RAB15: variants seen among roughly 807,000 people sequenced by gnomAD.
The protein encoded by RAB15 is RAB15, member RAS oncogene family.
A neutral mutation model predicts 31.8 loss-of-function variants in RAB15; 13 were observed. The ratio of observed to expected loss-of-function variants is 0.41; its 90% confidence interval spans 0.27 to 0.65. The LOEUF (loss-of-function observed/expected upper bound fraction) is 0.65, where lower values mean the gene tolerates loss of function less well. Among genes scored for constraint, RAB15 ranks in the 30% least tolerant of loss-of-function variants. The probability of loss-of-function intolerance (pLI) is 0.32; values close to 1 mark genes in which losing one functional copy is unlikely to be tolerated. For missense variants in RAB15, 220 were observed against 277.3 expected (o/e 0.79, Z 1.47); for synonymous variants, 100 against 105.6 (o/e 0.95, Z 0.33).
rs1246224301 is a variant in RAB15, at chr14:64,955,534, G to A, written c.125-2963C>T. 6.6e-6 allele frequency among the ~76,000 whole-genome samples: 1 copy of A among 152,188 alleles called. No individual in the cohort carries two copies. The highest frequency in any genetic ancestry group is 2.4e-5 in the African/African-American group (1 of 41,452). On this transcript the variant is annotated intron_variant, in intron 1 of 6. Transcript: ENST00000533601. This position sits in a 1 kb window ranked among gnomAD's most constrained non-coding sequence, Gnocchi z 4.4. ...CTTGGCCAGCCCTCGCAGCTGCTTAGCAAACTGTTTATTCACATGTGTGTT... is the reference window on the plus strand; with the variant it reads ...CTTGGCCAGCCCTCGCAGCTGCTTAACAAACTGTTTATTCACATGTGTGTT...
At position 64,951,013 on chromosome 14, in the gene RAB15, G is replaced by A. The variant is rs780127984; in HGVS notation, c.324+61C>T. ...GCATTTGCCTTCCCATCTGGCCCTC[G>A]CCTTGCCTTCCCCGGTGAGGCACCC... On this transcript the variant is annotated intron_variant, in intron 4 of 6. Coordinates refer to ENST00000533601, the MANE Select transcript of RAB15 (RefSeq NM_001308154.2). The surrounding 1 kb of genome is among the most constrained non-coding windows in gnomAD (Gnocchi z 7.2). 2.4e-5 allele frequency: 38 copies of A among 1,613,732 alleles called. No individual in the cohort carries two copies. The highest frequency in any genetic ancestry group is 4.0e-5 in the African/African-American group (3 of 74,906).
intron 1 of RAB15, among the ~76,000 whole-genome samples, chr14:64,964,546 GAAAGA>G (rs931643487): frequency 1.3e-5 from 2 of 149,586 alleles, no homozygotes; most frequent in African/African-American, 4.9e-5. Flanking sequence ...AAAGAAAAAA[GAAAGA>G]AAAGAAAACA....
intron 1 of RAB15, among the ~76,000 whole-genome samples, chr14:64,956,647 G>T (rs570702900): frequency 6.6e-6 from 1 of 152,162 alleles, no homozygotes; most frequent in Non-Finnish European, 1.5e-5. Context: ...GTTTCTCAAG[G>T]TGTGCTTTGC....
At chr14:64,965,698 A>G (rs1414303671) in intron 1 of RAB15, among the ~76,000 whole-genome samples, 3 of 152,126 alleles carry the variant, frequency 2.0e-5, no homozygotes, top group Non-Finnish European at 4.4e-5. Flanking sequence ...GTAGAAGGAT[A>G]ATGGCCAAAT....
Position 64,972,017 on chromosome 14 carries a change from G to A in RAB15, c.60C>T (p.Gly20=). The change falls in exon 1 of 7, where the codon GGC becomes GGT. Residue 20 remains glycine (G), a synonymous_variant. Transcript: ENST00000533601. The surrounding 1 kb of genome is among the most constrained non-coding windows in gnomAD (Gnocchi z 6.3). ...RLLLIGDSGV[G]KTCLLCRFTD... ...TGAAGCGGCACAGCAGGCAGGTCTT[G>A]CCCACCCCGGAGTCCCCGATCAGCA... The A allele has an allele frequency of 4.3e-6, 7 of 1,609,364 alleles. No individual in the cohort carries two copies. Among genetic ancestry groups the A allele is most frequent in the Non-Finnish European group, 5.9e-6 (7 of 1,178,066 alleles).
In RAB15 at chr14:64,953,591, G is replaced by T. The variant is rs896086990; in HGVS notation, c.125-1020C>A. Among the ~76,000 whole-genome samples, 1 of 152,186 alleles carries T rather than the reference G, an allele frequency of 6.6e-6. No individual in the cohort carries two copies. Among genetic ancestry groups the T allele is most frequent in the Admixed American group, 6.5e-5 (1 of 15,284 alleles). ...GAAACCGAAGGGATTTGGCAAATGC[G>T]TGCAGGGCAGAAACATATTGGAGAA... On this transcript the variant is annotated intron_variant, in intron 1 of 6. Coordinates refer to ENST00000533601, the MANE Select transcript of RAB15 (RefSeq NM_001308154.2). This position sits in a 1 kb window ranked among gnomAD's most constrained non-coding sequence, Gnocchi z 4.6.
Position 64,952,183 on chromosome 14 carries a change from G to T in RAB15, c.185+328C>A, listed in dbSNP as rs966002607. Among the ~76,000 whole-genome samples, 21 of 152,150 alleles carry T rather than the reference G, an allele frequency of 1.4e-4. No individual in the cohort carries two copies. Among genetic ancestry groups the T allele is most frequent in the African/African-American group, 5.1e-4 (21 of 41,428 alleles). On this transcript the variant is annotated intron_variant, in intron 2 of 6. Transcript: ENST00000533601. This position sits in a 1 kb window ranked among gnomAD's most constrained non-coding sequence, Gnocchi z 4.2. ...CAGGGTCTCGCCCTAAATGATGGGG[G>T]GTGTAGCCTCCTTCCTTCCAATCTT...
chr14:64,956,544 A>G (rs11623886), intron 1 of RAB15, among the ~76,000 whole-genome samples: 57,529 of 152,072 alleles, frequency 0.38, 11,429 homozygotes, highest in East Asian at 0.7. Flanking sequence ...AAGCTCTCAC[A>G]GTGATTCTCA....
chr14:64,972,104 C>A lies in RAB15; in HGVS notation c.-28G>T. On this transcript the variant is annotated 5_prime_UTR_variant, in exon 1 of 7. Transcript: ENST00000533601. This position sits in a 1 kb window ranked among gnomAD's most constrained non-coding sequence, Gnocchi z 6.3. ...CTGGGGCCAGCGGGGCCGGGAACTG[C>A]GGGCGGGCAGCGGGCTCAGCCCTGC... The A allele has an allele frequency of 6.4e-7, 1 of 1,568,034 alleles. No homozygotes were observed. The highest frequency in any genetic ancestry group is 8.6e-7 in the Non-Finnish European group (1 of 1,160,942).
chr14:64,970,419 C>T lies in RAB15; in HGVS notation c.124+1534G>A, dbSNP rs1887358454. On this transcript the variant is annotated intron_variant, in intron 1 of 6. Transcript: ENST00000533601. The surrounding 1 kb of genome is among the most constrained non-coding windows in gnomAD (Gnocchi z 4.1). Reference sequence around the variant, plus strand: ...CTCCCCTTCTTTCTGCAATGTCTCTCATCCAAACCATGGCTCAGCCCAAGC... The same window carrying T: ...CTCCCCTTCTTTCTGCAATGTCTCTTATCCAAACCATGGCTCAGCCCAAGC... Among the ~76,000 whole-genome samples, 1 of 152,332 alleles carries T rather than the reference C, an allele frequency of 6.6e-6. No individual in the cohort carries two copies. The highest frequency in any genetic ancestry group is 2.4e-5 in the African/African-American group (1 of 41,570).
In RAB15 at chr14:64,951,609, C is replaced by A; in HGVS notation, c.240G>T (p.Arg80=). ...CCCCAATGTGGTGGCTTACCTGGGC[C>A]CGCCGATAGTACTGCTTTGTGATGG... ...YQTITKQYYR[R]AQGIFLVYDI... Residue 80 remains arginine (R), a synonymous_variant, in exon 3 of 7, where the codon CGG becomes CGT. Coordinates refer to ENST00000533601, the MANE Select transcript of RAB15 (RefSeq NM_001308154.2). The surrounding 1 kb of genome is among the most constrained non-coding windows in gnomAD (Gnocchi z 7.2). 2 of 1,614,204 alleles carry A rather than the reference C, an allele frequency of 1.2e-6. No individual in the cohort carries two copies. Among genetic ancestry groups the A allele is most frequent in the Non-Finnish European group, 1.7e-6 (2 of 1,180,004 alleles).
At chr14:64,964,290 G>A (rs564504959) in intron 1 of RAB15, among the ~76,000 whole-genome samples, 3 of 152,124 alleles carry the variant, frequency 2.0e-5, no homozygotes, top group South Asian at 2.1e-4. Flanking sequence ...TTGGGAGGCC[G>A]AGGTGGGCGG....
At chr14:64,957,043 C>T (rs1036495782) in intron 1 of RAB15, among the ~76,000 whole-genome samples, 25 of 151,892 alleles carry the variant, frequency 1.6e-4, no homozygotes, top group Admixed American at 7.9e-4. Flanking sequence ...AAGCAATCCT[C>T]CCAGCTCAGC....
intron 1 of RAB15, among the ~76,000 whole-genome samples, chr14:64,969,679 G>A (rs1325507038): frequency 6.6e-6 from 1 of 152,278 alleles, no homozygotes; most frequent in East Asian, 1.9e-4. Flanking sequence ...TAGGTTTTAG[G>A]CCAATATACC....
intron 1 of RAB15, among the ~76,000 whole-genome samples, chr14:64,963,025 G>A (rs1210988563): frequency 6.6e-6 from 1 of 151,566 alleles, no homozygotes; most frequent in Non-Finnish European, 1.5e-5. Context: ...AATGGCATGC[G>A]TAAAGCCCAC....
rs1232303487 is a variant in RAB15, at chr14:64,950,790, A to G, written c.324+284T>C. The G allele has an allele frequency of 1.6e-6, 1 of 633,702 alleles. No homozygotes were observed. The highest frequency in any genetic ancestry group is 1.8e-5 in the African/African-American group (1 of 54,398). 39.3% of individuals were successfully genotyped at this position (633,702 alleles called of 1,614,324 possible). A position where few individuals can be genotyped will look rare whatever the true frequency, so the allele number is the denominator to read the frequency against. ...GCCAGGACTAGATCCCAATCTTGCA[A>G]CTCCACCTGGTCCCAAGATTTCAGG... On this transcript the variant is annotated intron_variant, in intron 4 of 6. Transcript: ENST00000533601. This position sits in a 1 kb window ranked among gnomAD's most constrained non-coding sequence, Gnocchi z 5.6.
intron 1 of RAB15, among the ~76,000 whole-genome samples, chr14:64,967,538 G>A (rs1887199177): frequency 6.6e-6 from 1 of 151,512 alleles, no homozygotes; most frequent in South Asian, 2.1e-4. Flanking sequence ...AGCCGTGATT[G>A]TGCCACCACC....
At position 64,971,397 on chromosome 14, in the gene RAB15, G is replaced by A. The variant is rs1887409495; in HGVS notation, c.124+556C>T. ...GGCGCAGGGGCTCCTCACCCTATCT[G>A]TGTCCTCCCCCAGGTGTCCCACCTT... On this transcript the variant is annotated intron_variant, in intron 1 of 6. Coordinates refer to ENST00000533601, the MANE Select transcript of RAB15 (RefSeq NM_001308154.2). The surrounding 1 kb of genome is among the most constrained non-coding windows in gnomAD (Gnocchi z 4.1). Among the ~76,000 whole-genome samples the A allele has an allele frequency of 6.6e-6, 1 of 152,094 alleles. No homozygotes were observed. Among genetic ancestry groups the A allele is most frequent in the African/African-American group, 2.4e-5 (1 of 41,410 alleles).
rs1045377008 is a variant in RAB15, at chr14:64,952,996, CCT to C, written c.125-427_125-426del. Among the ~76,000 whole-genome samples the C allele has an allele frequency of 1.3e-5, 2 of 152,148 alleles. No homozygotes were observed. Among genetic ancestry groups the C allele is most frequent in the African/African-American group, 2.4e-5 (1 of 41,426 alleles). On this transcript the variant is annotated intron_variant, in intron 1 of 6. Coordinates refer to ENST00000533601, the MANE Select transcript of RAB15 (RefSeq NM_001308154.2). This position sits in a 1 kb window ranked among gnomAD's most constrained non-coding sequence, Gnocchi z 4.2. Reference sequence around the variant, plus strand: ...CCCACATTATTTGCCTGCTTTCTTCCCTCTCTCTCTTTGCCTTGTTAATAACC... The same window carrying C: ...CCCACATTATTTGCCTGCTTTCTTCCCTCTCTCTTTGCCTTGTTAATAACC...
Sources: allele counts gnomAD v4.1 joint callset (sites outside exome capture counted in the v4.1 genomes callset), GRCh38; gene constraint gnomAD v4.1.1; non-coding constraint Gnocchi (gnomAD v3.1); transcripts MANE v1.5; gene names NCBI Gene and HGNC (gene_info 2026-07-23, HGNC 2026-07-21).